Variants in EFHD1 observed in about 807,000 individuals in gnomAD.
The protein encoded by EFHD1 is EF-hand domain-containing protein D1.
EFHD1 carries 10 observed loss-of-function variants against 17.2 expected under a neutral mutation model. The observed-to-expected ratio is 0.58, with a 90% CI of 0.36 to 0.99. EFHD1 has a LOEUF of 0.99. EFHD1 is among the 50% of genes least tolerant of loss of function. EFHD1 has a pLI of 0.01. For synonymous variants in EFHD1, 153 were observed against 142.0 expected (o/e 1.08, Z -0.55); for missense variants, 310 against 327.5 (o/e 0.95, Z 0.41).
chr2:232,613,847 CAAAT>C (rs1379932060), intron 1 of EFHD1, among the ~76,000 whole-genome samples: 1 of 150,854 alleles, frequency 6.6e-6, no homozygotes, highest in Non-Finnish European at 1.5e-5. Context: ...CATACACACA[CAAAT>C]ATATACACAC....
At chr2:232,606,190 TC>T (rs55750809) in intron 1 of EFHD1, 537,931 of 1,545,240 alleles carry the variant, frequency 0.35, 103,352 homozygotes, top group Middle Eastern at 0.41. Context: ...GCTCTTTAAA[TC>T]CCCTTTCACC....
chr2:232,654,991 C>G (rs1694733832), intron 1 of EFHD1, among the ~76,000 whole-genome samples: 1 of 152,210 alleles, frequency 6.6e-6, no homozygotes, highest in Admixed American at 6.5e-5. Context: ...TTCAGTTCCT[C>G]CCTTACTCGC....
chr2:232,662,978 T>C, intron 2 of EFHD1, 29 bp downstream of exon 2: 1 of 1,539,068 alleles, frequency 6.5e-7, no homozygotes, highest in Non-Finnish European at 8.7e-7. Flanking sequence ...CCTGAGCCCC[T>C]GTGGGGTGCC....
chr2:232,674,958 C>G (rs369069081), intron 3 of EFHD1, among the ~76,000 whole-genome samples: 1 of 152,030 alleles, frequency 6.6e-6, no homozygotes, highest in East Asian at 1.9e-4. Context: ...AGGTGAAAGC[C>G]AAGATGCAAA....
rs1694247027 is a variant in EFHD1, at chr2:232,633,642, G to T, written c.-63G>T. 7.4e-6 allele frequency: 10 copies of T among 1,359,588 alleles called. No individual in the cohort carries two copies. The South Asian group carries it at 1.6e-4, about 22-fold the overall frequency. The allele number at this position is 1,359,588 out of a possible 1,614,324, so 84.2% of individuals were successfully genotyped here. A position where few individuals can be genotyped will look rare whatever the true frequency, so the allele number is the denominator to read the frequency against. On this transcript the variant is annotated 5_prime_UTR_variant, in exon 1 of 4. Transcript: ENST00000264059. ...GCCTCGAGCCTGCGAGGAGCGCGCCGCCCGCCAGCTCCCTGCGTCCCGTCC... is the reference window on the plus strand; with the variant it reads ...GCCTCGAGCCTGCGAGGAGCGCGCCTCCCGCCAGCTCCCTGCGTCCCGTCC...
At chr2:232,622,709 G>A (rs1694042465) in intron 1 of EFHD1, among the ~76,000 whole-genome samples, 1 of 152,138 alleles carries the variant, frequency 6.6e-6, no homozygotes, top group African/African-American at 2.4e-5. Context: ...GAGGGTTGCA[G>A]GAGAGGCAGC....
At chr2:232,647,643 C>CTTTTCTTT (rs1694557579) in intron 1 of EFHD1, among the ~76,000 whole-genome samples, 1 of 141,558 alleles carries the variant, frequency 7.1e-6, no homozygotes, top group South Asian at 2.3e-4. Flanking sequence ...CCTGTTAGAA[C>CTTTTCTTT]TTTTTTTTTT....
At chr2:232,671,172 C>T (rs1695062170) in intron 2 of EFHD1, among the ~76,000 whole-genome samples, 1 of 152,068 alleles carries the variant, frequency 6.6e-6, no homozygotes, top group East Asian at 1.9e-4. Flanking sequence ...CAGTGCCTCA[C>T]ACCTGTAATT....
chr2:232,676,048 C>T (rs771874904), intron 3 of EFHD1, among the ~76,000 whole-genome samples: 2 of 151,994 alleles, frequency 1.3e-5, no homozygotes, highest in African/African-American at 4.8e-5. Context: ...TGGTGGCATG[C>T]GCCTGTAATC....
upstream of EFHD1, among the ~76,000 whole-genome samples, chr2:232,633,064 T>C (rs1443060876): frequency 1.3e-5 from 2 of 152,252 alleles, no homozygotes; most frequent in African/African-American, 4.8e-5. Flanking sequence ...TTAGTATTTT[T>C]AGCATGTTTT....
Position 232,681,724 on chromosome 2 carries a change from G to C in EFHD1, c.*5G>C. On this transcript the variant is annotated 3_prime_UTR_variant, in exon 4 of 4. Transcript: ENST00000264059. The stretch of plus-strand genomic sequence containing the variant: ...AAGGCCAACTTCAATACATAGTCCT[G>C]CTGACCTTGCCCTCTGCCCACAGCT... 1.2e-6 allele frequency: 2 copies of C among 1,613,274 alleles called. No homozygotes were observed. Among genetic ancestry groups the C allele is most frequent in the Non-Finnish European group, 1.7e-6 (2 of 1,179,612 alleles).
intron 1 of EFHD1, among the ~76,000 whole-genome samples, chr2:232,627,259 A>C (rs567284930): frequency 5.3e-5 from 8 of 151,520 alleles, no homozygotes; most frequent in South Asian, 2.1e-4. Flanking sequence ...AAAAAAAAAA[A>C]ACTAGAATTT....
At chr2:232,651,728 A>C (rs1237229111) in intron 1 of EFHD1, among the ~76,000 whole-genome samples, 1 of 152,252 alleles carries the variant, frequency 6.6e-6, no homozygotes, top group Non-Finnish European at 1.5e-5. Flanking sequence ...AGGCTGAGGC[A>C]AGAGAATCTC....
chr2:232,623,993 G>A (rs1694066901), intron 1 of EFHD1, among the ~76,000 whole-genome samples: 1 of 152,142 alleles, frequency 6.6e-6, no homozygotes, highest in South Asian at 2.1e-4. Flanking sequence ...GAGCTTCCTA[G>A]GGCGGTGCCA....
At chr2:232,653,972 C>T (rs996285749) in intron 1 of EFHD1, among the ~76,000 whole-genome samples, 2 of 151,970 alleles carry the variant, frequency 1.3e-5, no homozygotes, top group South Asian at 2.1e-4. Context: ...TTTGGGAGAC[C>T]GAGGCAGGCA....
chr2:232,606,214 C>G, intron 1 of EFHD1: 1 of 1,547,986 alleles, frequency 6.5e-7, no homozygotes, highest in Non-Finnish European at 8.7e-7. Flanking sequence ...TGAGAGTCTA[C>G]GATTTTCGAC....
upstream of EFHD1, among the ~76,000 whole-genome samples, chr2:232,630,918 A>G (rs1320537760): frequency 6.6e-6 from 1 of 152,152 alleles, no homozygotes; most frequent in Non-Finnish European, 1.5e-5. Context: ...TCAGCATGTA[A>G]AAAATGGTTT....
At chr2:232,638,233 C>T (rs1694355162) in intron 1 of EFHD1, 1 of 415,382 alleles carries the variant, frequency 2.4e-6, no homozygotes, top group South Asian at 1.9e-5. Context: ...TATCTGGAGG[C>T]CTCTTTCAAA....
At chr2:232,627,036 C>CTCTCTCCCTA (rs1242284297) in intron 1 of EFHD1, among the ~76,000 whole-genome samples, 3 of 112,686 alleles carry the variant, frequency 2.7e-5, no homozygotes, top group Admixed American at 2.0e-4. Flanking sequence ...CTCTCTCTCT[C>CTCTCTCCCTA]TATATATATA....
Sources: allele counts gnomAD v4.1 joint callset (sites outside exome capture counted in the v4.1 genomes callset), GRCh38; gene constraint gnomAD v4.1.1; transcripts MANE v1.5; gene names NCBI Gene and HGNC (gene_info 2026-07-23, HGNC 2026-07-21).